DCC: variants seen among roughly 807,000 people sequenced by gnomAD.
DCC encodes DCC netrin 1 receptor.
DCC carries 58 observed loss-of-function variants against 172.5 expected under a neutral mutation model. The ratio of observed to expected loss-of-function variants is 0.34; its 90% CI spans 0.27 to 0.42. The LOEUF is 0.42. Among genes scored for constraint, DCC ranks in the 10% least tolerant of loss-of-function variants. The probability of loss-of-function intolerance (pLI) is 1.00; values close to 1 mark genes in which losing one functional copy is unlikely to be tolerated. For missense variants in DCC, 1,740 were observed against 1,791.0 expected (o/e 0.97, Z 0.51); for synonymous variants, 709 against 644.5 (o/e 1.10, Z -1.52).
chr18:53,260,754 G>T (rs2056586777), intron 12 of DCC, among the ~76,000 whole-genome samples: 1 of 152,158 alleles, frequency 6.6e-6, no homozygotes, highest in African/African-American at 2.4e-5. Context: ...ATTTAAGTCT[G>T]CAGAGTTTTC....
At chr18:52,345,339 T>C (rs902038797) in intron 1 of DCC, among the ~76,000 whole-genome samples, 4 of 152,228 alleles carry the variant, frequency 2.6e-5, no homozygotes, top group Non-Finnish European at 5.9e-5. Flanking sequence ...GTAAATACTA[T>C]GCACATTTAC....
At chr18:52,394,947 A>G (rs1986163143) in intron 1 of DCC, among the ~76,000 whole-genome samples, 2 of 152,080 alleles carry the variant, frequency 1.3e-5, no homozygotes, top group Admixed American at 1.3e-4. Context: ...ACTTTGAGAA[A>G]GAGACTATTT....
intron 1 of DCC, among the ~76,000 whole-genome samples, chr18:52,454,384 A>G (rs891985208): frequency 1.3e-5 from 2 of 152,136 alleles, no homozygotes; most frequent in Non-Finnish European, 2.9e-5. Context: ...CAAAATGTAT[A>G]TGTATATAAT....
intron 2 of DCC, among the ~76,000 whole-genome samples, chr18:52,833,401 T>A (rs111245706): frequency 7.2e-5 from 11 of 152,102 alleles, no homozygotes; most frequent in African/African-American, 2.4e-4. Flanking sequence ...TAAACACAAA[T>A]GACCACTGGG....
intron 3 of DCC, among the ~76,000 whole-genome samples, chr18:52,907,046 C>T (rs1311865447): frequency 6.6e-6 from 1 of 151,742 alleles, no homozygotes; most frequent in African/African-American, 2.4e-5. Context: ...ACAACACTTA[C>T]ATTTCATCTA....
intron 2 of DCC, among the ~76,000 whole-genome samples, chr18:52,901,239 C>G (rs1314142834): frequency 6.6e-6 from 1 of 152,010 alleles, no homozygotes; most frequent in Non-Finnish European, 1.5e-5. Context: ...TTGAGACAAG[C>G]CTGGCCAACA....
intron 2 of DCC, chr18:52,818,168 A>G (rs999103153): frequency 6.6e-6 from 1 of 152,208 alleles, no homozygotes; most frequent in Non-Finnish European, 1.5e-5. Flanking sequence ...ACTTGAACCC[A>G]GGAGTTGGAG....
At chr18:52,893,166 C>T (rs369164983) in intron 2 of DCC, among the ~76,000 whole-genome samples, 1 of 151,722 alleles carries the variant, frequency 6.6e-6, no homozygotes, top group Non-Finnish European at 1.5e-5. Context: ...TAGGCTTCTC[C>T]TTTTTTTTGT....
At chr18:52,726,200 C>T (rs370548705) in intron 1 of DCC, among the ~76,000 whole-genome samples, 10 of 152,130 alleles carry the variant, frequency 6.6e-5, no homozygotes, top group Non-Finnish European at 1.5e-4. Flanking sequence ...AAGAAGTATA[C>T]GTGGCTTGCT....
At chr18:53,357,283 G>A (rs953599076) in intron 15 of DCC, among the ~76,000 whole-genome samples, 1 of 152,074 alleles carries the variant, frequency 6.6e-6, no homozygotes, top group Non-Finnish European at 1.5e-5. Context: ...TTTAACCTGA[G>A]TGCTTTTAGA....
At chr18:52,350,330 G>T (rs1049214901) in intron 1 of DCC, among the ~76,000 whole-genome samples, 2 of 152,166 alleles carry the variant, frequency 1.3e-5, no homozygotes, top group Non-Finnish European at 2.9e-5. Flanking sequence ...TTTATGTGAT[G>T]GATTACATTT....
intron 1 of DCC, among the ~76,000 whole-genome samples, chr18:52,506,476 G>T (rs2031234717): frequency 1.3e-5 from 2 of 152,000 alleles, no homozygotes; most frequent in Admixed American, 6.6e-5. Context: ...CCATATAAAT[G>T]GTTAGGTTGT....
chr18:52,655,509 T>C (rs562129121), intron 1 of DCC, among the ~76,000 whole-genome samples: 1 of 152,154 alleles, frequency 6.6e-6, no homozygotes, highest in South Asian at 2.1e-4. Flanking sequence ...ATTCAGTGTC[T>C]TCTCTGAGCC....
intron 5 of DCC, among the ~76,000 whole-genome samples, chr18:52,969,618 TCTC>T (rs2040994466): frequency 6.7e-6 from 1 of 149,128 alleles, no homozygotes; most frequent in Non-Finnish European, 1.5e-5. Context: ...TCTCTCTCTC[TCTC>T]TTTCTGTGAC....
At chr18:53,461,489 T>C (rs567340282) in intron 24 of DCC, among the ~76,000 whole-genome samples, 1 of 152,286 alleles carries the variant, frequency 6.6e-6, no homozygotes, top group East Asian at 1.9e-4. Flanking sequence ...CAGTTTCAGC[T>C]TTCTACATAT....
At chr18:52,903,350 G>C (rs1370544284) in intron 2 of DCC, among the ~76,000 whole-genome samples, 1 of 152,066 alleles carries the variant, frequency 6.6e-6, no homozygotes, top group East Asian at 1.9e-4. Context: ...GACCACAGGT[G>C]TGTGCCACCA....
At position 52,610,167 on chromosome 18, in the gene DCC, AAAAAAAAAAAAATATATAT is replaced by A. The variant is rs1275534532; in HGVS notation, c.92-141885_92-141867del. Among the ~76,000 whole-genome samples the A allele has an allele frequency of 8.7e-4, 20 of 23,042 alleles. 2 individuals carry two copies. The highest frequency in any genetic ancestry group is 3.7e-3 in the African/African-American group (20 of 5,390). The allele number at this position is 23,042 out of a possible 152,430, so 15.1% of individuals were successfully genotyped here. On this transcript the variant is annotated intron_variant, in intron 1 of 28. Transcript: ENST00000442544. The stretch of plus-strand genomic sequence containing the variant: ...CATCTCTCATAAAAAAAAAAAAAAA[AAAAAAAAAAAAATATATAT>A]ATATATATATATATATATATATATA...
chr18:52,427,224 C>G (rs1375656195), intron 1 of DCC, among the ~76,000 whole-genome samples: 2 of 152,036 alleles, frequency 1.3e-5, no homozygotes, highest in African/African-American at 4.8e-5. Context: ...AGTGATTTGT[C>G]CAAAGTCACA....
Position 52,489,076 on chromosome 18 carries a change from A to T in DCC, c.91+148198A>T, listed in dbSNP as rs180906346. Among the ~76,000 whole-genome samples, 1,104 of 152,142 alleles carry T rather than the reference A, an allele frequency of 7.3e-3. 7 individuals carry two copies. The highest frequency in any genetic ancestry group is 9.6e-3 in the Admixed American group (146 of 15,264). On this transcript the variant is annotated intron_variant, in intron 1 of 28. Transcript: ENST00000442544. ...CTACTCTCTGTCAACCCTTTATTAAAATGTTTCTCAAACATTAATGTGAGC... is the reference window on the plus strand; with the variant it reads ...CTACTCTCTGTCAACCCTTTATTAATATGTTTCTCAAACATTAATGTGAGC...
Sources: gnomAD v4.1 joint callset for allele counts (sites outside exome capture counted in the v4.1 genomes callset) on GRCh38, gnomAD v4.1.1 for gene constraint, MANE v1.5 for transcripts, NCBI Gene and HGNC (gene_info 2026-07-23, HGNC 2026-07-21) for gene names.